The following LDLRAD4 variants were observed in gnomAD, a reference collection of about 807,000 sequenced individuals.
LDLRAD4 encodes low density lipoprotein receptor class A domain containing 4.
In LDLRAD4, 5 loss-of-function variants were observed where a neutral mutation model predicts 17.0. The ratio of observed to expected loss-of-function variants is 0.29; its 90% CI spans 0.15 to 0.62. LDLRAD4 has a LOEUF of 0.62. LDLRAD4 is among the 20% of genes least tolerant of loss of function. The pLI is 0.84. For synonymous variants in LDLRAD4, 168 were observed against 171.8 expected (o/e 0.98, Z 0.17); for missense variants, 340 against 424.7 (o/e 0.80, Z 1.75).
intron 3 of LDLRAD4, among the ~76,000 whole-genome samples, chr18:13,479,464 T>C (rs2093029981): frequency 6.6e-6 from 1 of 151,944 alleles, no homozygotes; most frequent in Admixed American, 6.6e-5. Flanking sequence ...CTACTAAAAA[T>C]ACAAAAATTA....
At chr18:13,430,120 C>T (rs920544638) in intron 2 of LDLRAD4, among the ~76,000 whole-genome samples, 1 of 152,150 alleles carries the variant, frequency 6.6e-6, no homozygotes, top group African/African-American at 2.4e-5. Context: ...GCCTTCACCA[C>T]ACCTGAGGAT....
chr18:13,379,991 G>A (rs1222603111), intron 1 of LDLRAD4, among the ~76,000 whole-genome samples: 1 of 147,024 alleles, frequency 6.8e-6, no homozygotes, highest in Admixed American at 6.7e-5. Context: ...CCCCCTGCCC[G>A]CCAGCCCCCT....
intron 1 of LDLRAD4, among the ~76,000 whole-genome samples, chr18:13,380,374 T>A (rs1013189838): frequency 7.2e-5 from 11 of 152,198 alleles, no homozygotes; most frequent in African/African-American, 2.7e-4. Flanking sequence ...GGCCGCTGTG[T>A]GTAGACAGTG....
chr18:13,373,826 T>G (rs1182701131), intron 1 of LDLRAD4, among the ~76,000 whole-genome samples: 2 of 152,214 alleles, frequency 1.3e-5, no homozygotes, highest in Non-Finnish European at 2.9e-5. Flanking sequence ...CTTGTACATT[T>G]TCATTTAGAC....
At chr18:13,386,949 T>TA (rs1568083029) in intron 1 of LDLRAD4, among the ~76,000 whole-genome samples, 11 of 75,542 alleles carry the variant, frequency 1.5e-4, no homozygotes, top group Admixed American at 3.0e-4. Context: ...GATAGATAGA[T>TA]GGATGGATGG....
chr18:13,640,114 G>A (rs1219001167), intron 4 of LDLRAD4, among the ~76,000 whole-genome samples: 4 of 151,948 alleles, frequency 2.6e-5, no homozygotes, highest in African/African-American at 7.3e-5. Context: ...GTGAAACCGC[G>A]TCTCTACTAA....
At chr18:13,512,188 G>A (rs1247193638) in intron 3 of LDLRAD4, among the ~76,000 whole-genome samples, 3 of 152,096 alleles carry the variant, frequency 2.0e-5, no homozygotes, top group African/African-American at 7.2e-5. Flanking sequence ...AAGAAAATGT[G>A]GCCATATTTT....
chr18:13,566,805 G>A (rs1416770998), intron 3 of LDLRAD4, among the ~76,000 whole-genome samples: 2 of 152,240 alleles, frequency 1.3e-5, no homozygotes, highest in Non-Finnish European at 2.9e-5. Context: ...ATTTAAATAT[G>A]TATAGGTTTA....
At chr18:13,612,712 G>A in intron 3 of LDLRAD4, 2 of 1,613,822 alleles carry the variant, frequency 1.2e-6, no homozygotes, top group Non-Finnish European at 1.7e-6. Flanking sequence ...ATTATGTCCA[G>A]TGACCACCTG....
chr18:13,510,848 G>A (rs141702461), intron 3 of LDLRAD4, among the ~76,000 whole-genome samples: 4 of 152,258 alleles, frequency 2.6e-5, no homozygotes, highest in African/African-American at 9.6e-5. Flanking sequence ...AGGGAGATAC[G>A]GCTGAAAGCA....
chr18:13,531,477 C>T (rs949110294), intron 3 of LDLRAD4, among the ~76,000 whole-genome samples: 1 of 149,764 alleles, frequency 6.7e-6, no homozygotes, highest in Non-Finnish European at 1.5e-5. Context: ...AGCCTCCCAG[C>T]TACTCAGGAG....
intron 1 of LDLRAD4, among the ~76,000 whole-genome samples, chr18:13,328,035 C>T (rs2081628087): frequency 2.0e-5 from 3 of 152,210 alleles, no homozygotes; most frequent in African/African-American, 7.2e-5. Flanking sequence ...TGACCACCAT[C>T]AGGCTCTCCT....
At chr18:13,231,413 A>G (rs1298971031) in intron 1 of LDLRAD4, among the ~76,000 whole-genome samples, 3 of 152,130 alleles carry the variant, frequency 2.0e-5, no homozygotes, top group African/African-American at 7.2e-5. Flanking sequence ...ATTCCTCCTG[A>G]TTGCGGCCTG....
At chr18:13,492,010 G>A (rs1400604835) in intron 3 of LDLRAD4, among the ~76,000 whole-genome samples, 2 of 152,068 alleles carry the variant, frequency 1.3e-5, no homozygotes, top group Non-Finnish European at 1.5e-5. Context: ...GTTTTTCTTG[G>A]GTATAATGAA....
intron 3 of LDLRAD4, among the ~76,000 whole-genome samples, chr18:13,553,541 T>C (rs1317952381): frequency 1.3e-5 from 2 of 152,230 alleles, no homozygotes; most frequent in Non-Finnish European, 2.9e-5. Flanking sequence ...TGATTTGAAA[T>C]CACTTTTTCC....
rs753959130 is a variant in LDLRAD4 at position 13,588,993 on chromosome 18, A to G, written c.182-32124A>G. Among the ~76,000 whole-genome samples, 33 of 138,622 alleles carry G rather than the reference A, an allele frequency of 2.4e-4. 1 individual carries two copies. The highest frequency in any genetic ancestry group is 1.3e-3 in the Admixed American group (17 of 12,748). 90.9% of individuals were successfully genotyped at this position (138,622 alleles called of 152,430 possible). A position where few individuals can be genotyped will look rare whatever the true frequency, so the allele number is the denominator to read the frequency against. On this transcript the variant is annotated intron_variant, in intron 3 of 5. Coordinates refer to ENST00000359446, the Ensembl canonical transcript of LDLRAD4. ...GCCCAGGCTGGAGTGCAGTGGCGCT[A>G]TCTTGGTTCATTGTAACCTCCGCCT...
At chr18:13,332,346 C>T (rs528607944) in intron 1 of LDLRAD4, among the ~76,000 whole-genome samples, 1 of 152,212 alleles carries the variant, frequency 6.6e-6, no homozygotes, top group Non-Finnish European at 1.5e-5. Context: ...CCAGCCTCCT[C>T]CGCCATCAAC....
chr18:13,406,676 G>T (rs1326022694), intron 2 of LDLRAD4, among the ~76,000 whole-genome samples: 1 of 152,146 alleles, frequency 6.6e-6, no homozygotes, highest in Non-Finnish European at 1.5e-5. Context: ...ACCTGGACAG[G>T]GTGGGAGGCT....
chr18:13,227,070 TG>T (rs1024422661), intron 1 of LDLRAD4, among the ~76,000 whole-genome samples: 24 of 152,194 alleles, frequency 1.6e-4, no homozygotes, highest in Non-Finnish European at 3.2e-4. Flanking sequence ...AAATTCATGA[TG>T]GGCAGACAGA....
Sources: allele counts gnomAD v4.1 joint callset (sites outside exome capture counted in the v4.1 genomes callset), GRCh38; gene constraint gnomAD v4.1.1; transcripts MANE v1.5; gene names NCBI Gene and HGNC (gene_info 2026-07-23, HGNC 2026-07-21).